FOXN3: variants seen among roughly 807,000 people sequenced by gnomAD.
FOXN3 encodes forkhead box N3.
Under a neutral mutation model 38.4 loss-of-function variants are expected in FOXN3, and 7 were observed. The observed-to-expected ratio is 0.18, with a 90% CI of 0.10 to 0.34. FOXN3 has a LOEUF of 0.34. FOXN3 is among the 10% of genes least tolerant of loss of function. The probability of loss-of-function intolerance (pLI) is 1.00; values close to 1 mark genes in which losing one functional copy is unlikely to be tolerated. For missense variants in FOXN3, 456 were observed against 613.4 expected, an observed-to-expected ratio of 0.74 and a Z score of 2.71; for synonymous variants, 230 against 242.2, an observed-to-expected ratio of 0.95 and a Z score of 0.47.
chr14:89,410,560 G>A lies in FOXN3; in HGVS notation c.543+1374C>T, dbSNP rs118091561. On this transcript the variant is annotated intron_variant, in intron 2 of 5. Transcript: ENST00000557258. ...TTCTTAACAGCTGCCCAATTTCTAC[G>A]AAACCTATTATGTTCCTTAAAACAA... is the stretch of plus-strand genomic sequence containing the variant. Among the ~76,000 whole-genome samples, 136 of 152,184 alleles carry A rather than the reference G, an allele frequency of 8.9e-4. 6 individuals carry two copies. In the East Asian group the frequency reaches 0.024, roughly 26 times the overall value.
At chr14:89,215,348 T>A (rs75445356) in intron 4 of FOXN3, among the ~76,000 whole-genome samples, 1 of 24,078 alleles carries the variant, frequency 4.2e-5, no homozygotes, top group East Asian at 1.5e-3. Flanking sequence ...AGAATAGAGA[T>A]TTTTTTTTTT....
intron 3 of FOXN3, among the ~76,000 whole-genome samples, chr14:89,336,172 A>ACACG (rs1350470831): frequency 7.4e-6 from 1 of 134,430 alleles, no homozygotes; most frequent in African/African-American, 2.7e-5. Flanking sequence ...ACACACACAC[A>ACACG]TTCATAATCC....
chr14:89,442,068 A>G (rs900243781), intron 1 of FOXN3, among the ~76,000 whole-genome samples: 5 of 151,938 alleles, frequency 3.3e-5, no homozygotes, highest in African/African-American at 1.2e-4. Flanking sequence ...CTGGGATTAC[A>G]GGCATGCGCC....
At chr14:89,347,755 C>T (rs1440058704) in intron 3 of FOXN3, among the ~76,000 whole-genome samples, 2 of 152,120 alleles carry the variant, frequency 1.3e-5, no homozygotes, top group Non-Finnish European at 2.9e-5. Context: ...AGATTGAGAC[C>T]AGCCTGGCCA....
At chr14:89,473,787 T>C (rs1051501877) in intron 1 of FOXN3, among the ~76,000 whole-genome samples, 1 of 152,242 alleles carries the variant, frequency 6.6e-6, no homozygotes, top group South Asian at 2.1e-4. Flanking sequence ...AGATGTTCTT[T>C]GAACATTACC....
chr14:89,296,211 T>C (rs1178582218), intron 3 of FOXN3, among the ~76,000 whole-genome samples: 1 of 152,246 alleles, frequency 6.6e-6, no homozygotes, highest in Non-Finnish European at 1.5e-5. Flanking sequence ...CGATTTTACA[T>C]GCATACAGCT....
intron 1 of FOXN3, among the ~76,000 whole-genome samples, chr14:89,605,831 G>C (rs1194017741): frequency 6.6e-6 from 1 of 151,978 alleles, no homozygotes; most frequent in Non-Finnish European, 1.5e-5. Context: ...AAATTAAAAA[G>C]AGGCTGAACG....
At chr14:89,311,244 C>T (rs1795402090) in intron 3 of FOXN3, among the ~76,000 whole-genome samples, 1 of 151,328 alleles carries the variant, frequency 6.6e-6, no homozygotes, top group South Asian at 2.1e-4. Context: ...AATCCCAGCA[C>T]TTTGGGAGGC....
chr14:89,365,950 T>C (rs1263720518), intron 2 of FOXN3, among the ~76,000 whole-genome samples: 1 of 152,144 alleles, frequency 6.6e-6, no homozygotes, highest in South Asian at 2.1e-4. Context: ...ATAAAGTTAT[T>C]CTGTAATAAC....
At chr14:89,473,928 T>TA (rs796656315) in intron 1 of FOXN3, among the ~76,000 whole-genome samples, 196 of 145,770 alleles carry the variant, frequency 1.3e-3, no homozygotes, top group African/African-American at 4.1e-3. Context: ...TCTCCCACGC[T>TA]AAAAAAAAAA....
rs1893411351 is a variant in FOXN3, at chr14:89,484,797, C to G, written c.-14-72307G>C. ...TGGTGTGTGGCCAGGGAGGACCCAA[C>G]AGGCAGTGAGCGGGGTCTCCACTGA... On this transcript the variant is annotated intron_variant, in intron 1 of 6. Coordinates refer to the FOXN3 transcript ENST00000345097. The surrounding 1 kb of genome is among the most constrained non-coding windows in gnomAD (Gnocchi z 4.0). Among the ~76,000 whole-genome samples, 1 of 152,170 alleles carries G rather than the reference C, an allele frequency of 6.6e-6. No homozygotes were observed. Among genetic ancestry groups the G allele is most frequent in the Admixed American group, 6.5e-5 (1 of 15,278 alleles).
intron 1 of FOXN3, among the ~76,000 whole-genome samples, chr14:89,535,711 C>A (rs1330404856): frequency 6.6e-6 from 1 of 152,184 alleles, no homozygotes; most frequent in East Asian, 1.9e-4. Flanking sequence ...TGTTCTTTGG[C>A]AACTCTTCTT....
chr14:89,515,651 A>T (rs1894184974), intron 1 of FOXN3, among the ~76,000 whole-genome samples: 1 of 152,070 alleles, frequency 6.6e-6, no homozygotes, highest in Admixed American at 6.5e-5. Flanking sequence ...CAGGAGAATC[A>T]CTTGAACCCA....
At chr14:89,205,942 C>T (rs58988353) in intron 4 of FOXN3, among the ~76,000 whole-genome samples, 5,431 of 152,262 alleles carry the variant, frequency 0.036, 331 homozygotes, top group African/African-American at 0.12. Context: ...GAACTTCTCC[C>T]GTTTCAATGA....
intron 3 of FOXN3, among the ~76,000 whole-genome samples, chr14:89,343,585 T>C (rs192298524): frequency 4.7e-5 from 7 of 148,194 alleles, no homozygotes; most frequent in Admixed American, 2.0e-4. Context: ...AACCTCAATA[T>C]CAGAAAGGCC....
chr14:89,312,964 G>A (rs1887604864), intron 3 of FOXN3, among the ~76,000 whole-genome samples: 1 of 152,156 alleles, frequency 6.6e-6, no homozygotes, highest in Non-Finnish European at 1.5e-5. Flanking sequence ...GGGATTACAA[G>A]ATAAATGACT....
At chr14:89,607,490 T>G (rs1896297181) in intron 1 of FOXN3, among the ~76,000 whole-genome samples, 1 of 147,142 alleles carries the variant, frequency 6.8e-6, no homozygotes, top group Non-Finnish European at 1.5e-5. Flanking sequence ...ACTCGGGAGA[T>G]GGGGGTTGCA....
chr14:89,251,538 C>T (rs979081905), intron 4 of FOXN3, among the ~76,000 whole-genome samples: 2 of 152,214 alleles, frequency 1.3e-5, no homozygotes, highest in African/African-American at 4.8e-5. Flanking sequence ...ACATAGCTTA[C>T]ATATAATGAT....
chr14:89,507,069 G>A lies in FOXN3; in HGVS notation c.-14-94579C>T, dbSNP rs1323558079. On this transcript the variant is annotated intron_variant, in intron 1 of 6. Transcript: ENST00000345097. ...ATCTGCTGACCTTCCCTCCACTATTGTCCTATGACCCTGCCAAATCCCCCT... is the reference window on the plus strand; with the variant it reads ...ATCTGCTGACCTTCCCTCCACTATTATCCTATGACCCTGCCAAATCCCCCT... 3.4e-5 allele frequency among the ~76,000 whole-genome samples: 5 copies of A among 147,428 alleles called. No homozygotes were observed. In the Admixed American group the frequency reaches 3.5e-4, roughly 10 times the overall value.
Sources: gnomAD v4.1 joint callset for allele counts (sites outside exome capture counted in the v4.1 genomes callset) on GRCh38, gnomAD v4.1.1 for gene constraint, Gnocchi (gnomAD v3.1) non-coding constraint, MANE v1.5 for transcripts, NCBI Gene and HGNC (gene_info 2026-07-23, HGNC 2026-07-21) for gene names.